Variants in ST3GAL2 observed in about 807,000 individuals in gnomAD.
ST3GAL2 encodes the protein ST3 beta-galactoside alpha-2,3-sialyltransferase 2.
ST3GAL2 carries 16 observed loss-of-function variants against 37.5 expected under a neutral mutation model. The ratio of observed to expected loss-of-function variants is 0.43; its 90% CI spans 0.29 to 0.65. The LOEUF (loss-of-function observed/expected upper bound fraction) is 0.65, where lower values mean the gene tolerates loss of function less well. Among genes scored for constraint, ST3GAL2 ranks in the 30% least tolerant of loss-of-function variants. The pLI is 0.17. For synonymous variants in ST3GAL2, 238 were observed against 202.9 expected (o/e 1.17, Z -1.47); for missense variants, 383 against 487.8 (o/e 0.79, Z 2.02).
chr16:70,431,494 A>G (rs2047789560), intron 1 of ST3GAL2, among the ~76,000 whole-genome samples: 1 of 152,170 alleles, frequency 6.6e-6, no homozygotes, highest in African/African-American at 2.4e-5. Context: ...CTAGAAACCA[A>G]TAGCATCAGA....
At chr16:70,432,014 T>C (rs1031870613) in intron 1 of ST3GAL2, among the ~76,000 whole-genome samples, 66 of 150,542 alleles carry the variant, frequency 4.4e-4, no homozygotes, top group African/African-American at 1.6e-3. Context: ...GGGCACAAAG[T>C]AGTGTACACC....
Position 70,381,764 on chromosome 16 carries a change from G to A in ST3GAL2, c.978C>T (p.His326=). 2.5e-6 allele frequency: 4 copies of A among 1,614,088 alleles called. No homozygotes were observed. Among genetic ancestry groups the A allele is most frequent in the Non-Finnish European group, 3.4e-6 (4 of 1,179,960 alleles). The change falls in exon 7 of 7, where the codon CAC becomes CAT. Residue 326 remains histidine (H), a synonymous_variant. Coordinates refer to ENST00000342907, the MANE Select transcript of ST3GAL2 (RefSeq NM_006927.4). ...YAGEFRKTGV[H]DADFEAHIID... ...TGATGTGGGCCTCGAAGTCCGCGTC[G>A]TGCACGCCAGTCTTCCGGAACTCGC... is the stretch of plus-strand genomic sequence containing the variant.
intron 3 of ST3GAL2, among the ~76,000 whole-genome samples, chr16:70,389,202 C>CAAA (rs1160368910): frequency 0.03 from 818 of 27,362 alleles, 307 homozygotes; most frequent in East Asian, 0.087. Context: ...CCCATCTCTA[C>CAAA]AAAAAAAAAA....
At chr16:70,396,621 G>C (rs1597561295) in intron 2 of ST3GAL2, among the ~76,000 whole-genome samples, 2 of 152,312 alleles carry the variant, frequency 1.3e-5, no homozygotes, top group African/African-American at 4.8e-5. Context: ...AGAGCCCACG[G>C]GGCTCCTAGT....
chr16:70,437,703 C>G (rs1389428756), intron 1 of ST3GAL2, among the ~76,000 whole-genome samples: 1 of 152,116 alleles, frequency 6.6e-6, no homozygotes, highest in African/African-American at 2.4e-5. Flanking sequence ...GAAAGGGCAA[C>G]CCCTCCAAAG....
chr16:70,407,398 C>T (rs1349505830), intron 1 of ST3GAL2, among the ~76,000 whole-genome samples: 2 of 152,166 alleles, frequency 1.3e-5, no homozygotes, highest in Non-Finnish European at 2.9e-5. Flanking sequence ...GCCTCGGCCT[C>T]CCCAGGTGCT....
intron 3 of ST3GAL2, among the ~76,000 whole-genome samples, chr16:70,389,543 C>T (rs923201951): frequency 1.3e-5 from 2 of 151,804 alleles, no homozygotes; most frequent in Non-Finnish European, 2.9e-5. Flanking sequence ...CACCTCACTG[C>T]AACCTCCACC....
At chr16:70,416,837 G>A (rs930846786) in intron 1 of ST3GAL2, among the ~76,000 whole-genome samples, 11 of 151,956 alleles carry the variant, frequency 7.2e-5, no homozygotes, top group African/African-American at 2.2e-4. Flanking sequence ...CCTGGACGAC[G>A]GCAGGGACAG....
chr16:70,403,401 G>T (rs560865124), intron 1 of ST3GAL2, among the ~76,000 whole-genome samples: 68 of 152,206 alleles, frequency 4.5e-4, no homozygotes, highest in Non-Finnish European at 7.8e-4. Context: ...TGTCTTTTAG[G>T]CCAGCTGTGG....
rs996196204 is a variant in ST3GAL2 at position 70,381,581 on chromosome 16, G to A, written c.*108C>T. ...GTCTCGTGATTGGCGGGGCACAGCA[G>A]ACGCCCCTGGGCTGCAGCATGATTG... On this transcript the variant is annotated 3_prime_UTR_variant, in exon 7 of 7. Coordinates refer to ENST00000342907, the MANE Select transcript of ST3GAL2 (RefSeq NM_006927.4). 1.5e-5 allele frequency: 21 copies of A among 1,356,746 alleles called. No individual in the cohort carries two copies. The highest frequency in any genetic ancestry group is 2.6e-4 in the Middle Eastern group (1 of 3,914). 84.0% of individuals were successfully genotyped at this position (1,356,746 alleles called of 1,614,324 possible).
rs896065601 is a variant in ST3GAL2, at chr16:70,381,171, C to T, written c.*518G>A. 1 of 152,472 alleles carries T rather than the reference C, an allele frequency of 6.6e-6. No individual in the cohort carries two copies. Among genetic ancestry groups the T allele is most frequent in the African/African-American group, 2.4e-5 (1 of 41,464 alleles). The allele number at this position is 152,472 out of a possible 1,614,324, so 9.4% of individuals were successfully genotyped here. On this transcript the variant is annotated 3_prime_UTR_variant, in exon 7 of 7. Coordinates refer to ENST00000342907, the MANE Select transcript of ST3GAL2 (RefSeq NM_006927.4). ...GGGACTGGGGGTCCCGCAGCGACCG[C>T]TTTTCTTTGGTGGGTCTGCACGCAC...
chr16:70,431,022 G>A (rs1054040667), intron 1 of ST3GAL2, among the ~76,000 whole-genome samples: 1 of 151,786 alleles, frequency 6.6e-6, no homozygotes, highest in African/African-American at 2.4e-5. Flanking sequence ...ACAGGGCAGG[G>A]GAGATTCCAT....
At position 70,379,016 on chromosome 16, in the gene ST3GAL2, A is replaced by T. The variant is rs1044331926; in HGVS notation, c.*2673T>A. ...CTGTCTCAATAAATAAATAAATTAAATAAATAAAAATGCGGGTTGCCTGTG... is the reference window on the plus strand; with the variant it reads ...CTGTCTCAATAAATAAATAAATTAATTAAATAAAAATGCGGGTTGCCTGTG... On this transcript the variant is annotated 3_prime_UTR_variant, in exon 7 of 7. Transcript: ENST00000342907. 2.0e-5 allele frequency: 3 copies of T among 152,142 alleles called. No homozygotes were observed. Among genetic ancestry groups the T allele is most frequent in the Non-Finnish European group, 4.4e-5 (3 of 68,068 alleles). 9.4% of individuals were successfully genotyped at this position (152,142 alleles called of 1,614,324 possible). A position where few individuals can be genotyped will look rare whatever the true frequency, so the allele number is the denominator to read the frequency against.
intron 1 of ST3GAL2, among the ~76,000 whole-genome samples, chr16:70,422,375 G>GGT (rs1282090381): frequency 6.6e-6 from 1 of 152,198 alleles, no homozygotes; most frequent in Admixed American, 6.5e-5. Flanking sequence ...AAAGGGAACA[G>GGT]GTGTGTGTGA....
chr16:70,390,586 C>T (rs1309246651), intron 3 of ST3GAL2, among the ~76,000 whole-genome samples: 3 of 152,184 alleles, frequency 2.0e-5, no homozygotes, highest in African/African-American at 7.2e-5. Flanking sequence ...TGCCCTTCCA[C>T]TCCAAGGCCA....
chr16:70,409,734 G>C (rs2047622851), intron 1 of ST3GAL2, among the ~76,000 whole-genome samples: 1 of 151,772 alleles, frequency 6.6e-6, no homozygotes, highest in Non-Finnish European at 1.5e-5. Context: ...TCGACCACCT[G>C]GGCTCAAATG....
intron 2 of ST3GAL2, among the ~76,000 whole-genome samples, 187 bp downstream of exon 2, chr16:70,398,005 C>A (rs903509376): frequency 1.3e-5 from 2 of 152,208 alleles, no homozygotes; most frequent in African/African-American, 4.8e-5. Flanking sequence ...GTCCTACAGG[C>A]ACTAGAAAAT....
At chr16:70,396,298 CAAA>C (rs35024720) in intron 2 of ST3GAL2, among the ~76,000 whole-genome samples, 5 of 129,344 alleles carry the variant, frequency 3.9e-5, no homozygotes, top group Non-Finnish European at 4.8e-5. Context: ...TATTTTTACT[CAAA>C]AAAAAAAAAA....
At chr16:70,411,951 C>CCCATTGCACT (rs2047641382) in intron 1 of ST3GAL2, among the ~76,000 whole-genome samples, 1 of 151,570 alleles carries the variant, frequency 6.6e-6, no homozygotes, top group Non-Finnish European at 1.5e-5. Flanking sequence ...CCGAGATCAC[C>CCCATTGCACT]CCATTGCACT....
Sources: gnomAD v4.1 joint callset for allele counts (sites outside exome capture counted in the v4.1 genomes callset) on GRCh38, gnomAD v4.1.1 for gene constraint, MANE v1.5 for transcripts, NCBI Gene and HGNC (gene_info 2026-07-23, HGNC 2026-07-21) for gene names.